Variants in CUBN observed in about 807,000 individuals in gnomAD.
CUBN encodes the protein 460 kDa receptor.
CUBN carries 282 observed loss-of-function variants against 405.3 expected under a neutral mutation model. That is an observed-to-expected ratio of 0.70 (90% CI 0.63 to 0.77). CUBN has a LOEUF of 0.77. CUBN is among the 30% of genes least tolerant of loss of function. The probability of loss-of-function intolerance (pLI) is 0.00; values close to 1 mark genes in which losing one functional copy is unlikely to be tolerated. For missense variants in CUBN, 4,514 were observed against 4,475.2 expected (o/e 1.01, Z -0.25); for synonymous variants, 1,684 against 1,617.0 (o/e 1.04, Z -0.99).
intron 10 of CUBN, among the ~76,000 whole-genome samples, chr10:17,106,510 A>G (rs1423719365): frequency 6.6e-6 from 1 of 150,970 alleles, no homozygotes; most frequent in Non-Finnish European, 1.5e-5. Context: ...AGGCAGGAGA[A>G]TCACTTCAAC....
chr10:16,920,506 A>G (rs769658836), intron 43 of CUBN, among the ~76,000 whole-genome samples: 8 of 152,176 alleles, frequency 5.3e-5, no homozygotes, highest in Non-Finnish European at 2.9e-5. Flanking sequence ...CTGAGCATTC[A>G]GTACAGCAGA....
At chr10:16,919,093 A>C (rs910703321) in intron 44 of CUBN, among the ~76,000 whole-genome samples, 12 of 152,348 alleles carry the variant, frequency 7.9e-5, no homozygotes, top group African/African-American at 2.9e-4. Context: ...TTGCTTTCAA[A>C]TTAGTCCCTA....
chr10:16,926,508 T>C (rs1842191991), intron 41 of CUBN, among the ~76,000 whole-genome samples: 1 of 151,898 alleles, frequency 6.6e-6, no homozygotes. Context: ...GAGTGTCCAA[T>C]AAGGAGGGGA....
intron 1 of CUBN, 84 bp downstream of exon 1, chr10:17,129,560 C>T (rs1001801900): frequency 6.1e-5 from 96 of 1,576,052 alleles, no homozygotes; most frequent in Non-Finnish European, 7.2e-5. Context: ...AGAAAAATTG[C>T]ACCTTTGTTT....
At chr10:16,916,086 G>T in intron 45 of CUBN, 56 bp from the exon 46 acceptor site, 1 of 1,553,634 alleles carries the variant, frequency 6.4e-7, no homozygotes, top group South Asian at 1.2e-5. Context: ...AAGAAAGATT[G>T]ATTCTATTAC....
intron 13 of CUBN, among the ~76,000 whole-genome samples, chr10:17,102,240 AAGG>A (rs1335163646): frequency 3.3e-5 from 5 of 150,988 alleles, no homozygotes; most frequent in Admixed American, 6.6e-5. Flanking sequence ...TCATCTATAA[AAGG>A]AGGATCCTCC....
rs114253158 is a variant in CUBN at position 16,930,862 on chromosome 10, C to T, written c.6124+2225G>A. On this transcript the variant is annotated intron_variant, in intron 40 of 66. Coordinates refer to ENST00000377833, the MANE Select transcript of CUBN (RefSeq NM_001081.4). The stretch of plus-strand genomic sequence containing the variant: ...AGCCTATAAGTATCTTTGTCTGTGG[C>T]CAGTTGGCTTTAGATATTTGCTTCA... Among the ~76,000 whole-genome samples, 719 of 152,294 alleles carry T rather than the reference C, an allele frequency of 4.7e-3. 7 individuals are homozygous for T. Among genetic ancestry groups the T allele is most frequent in the African/African-American group, 0.015 (643 of 41,550 alleles).
At chr10:16,943,244 C>G (rs1297385776) in intron 36 of CUBN, among the ~76,000 whole-genome samples, 4 of 152,190 alleles carry the variant, frequency 2.6e-5, no homozygotes, top group African/African-American at 4.8e-5. Flanking sequence ...TGGTGGTAAG[C>G]TGGTGGCTCT....
At chr10:17,053,073 T>G (rs1336887972) in intron 22 of CUBN, among the ~76,000 whole-genome samples, 1 of 147,820 alleles carries the variant, frequency 6.8e-6, no homozygotes. Flanking sequence ...AATGTAAAAA[T>G]ACAAAAAAAA....
At chr10:16,906,133 C>T (rs772301142) in intron 50 of CUBN, 70 bp downstream of exon 50, 16 of 1,254,816 alleles carry the variant, frequency 1.3e-5, no homozygotes, top group South Asian at 3.7e-5. Flanking sequence ...ACAACAGCAG[C>T]GACAACAACA....
intron 58 of CUBN, among the ~76,000 whole-genome samples, chr10:16,871,926 C>A (rs1840365508): frequency 6.6e-6 from 1 of 152,082 alleles, no homozygotes; most frequent in South Asian, 2.1e-4. Context: ...AAATAATTTT[C>A]TAAACCTGCA....
rs2131863550 is a variant in CUBN at position 17,084,303 on chromosome 10, A to T, written c.2269T>A (p.Cys757Ser). 1.2e-6 allele frequency: 2 copies of T among 1,614,126 alleles called. No homozygotes were observed. Among genetic ancestry groups the T allele is most frequent in the Non-Finnish European group, 1.7e-6 (2 of 1,180,028 alleles). Residue 757 changes from cysteine to serine, a missense_variant, in exon 17 of 67, where the codon TGC (cysteine) becomes AGC (serine). Physicochemically the swap from Cys to Ser is moderately radical, Grantham distance 112. Coordinates refer to ENST00000377833, the MANE Select transcript of CUBN (RefSeq NM_001081.4). The stretch of plus-strand genomic sequence containing the variant: ...TAATTCTGAGAACTGTCACTCTGGC[A>T]TTGCAGCTCCACGTGGGTGAAGTTG... ...QINFTHVELQ[C>S]QSDSSQNYIE...
Position 17,084,427 on chromosome 10 carries a change from T to C in CUBN, c.2145A>G (p.Pro715=), listed in dbSNP as rs1375294807. The C allele has an allele frequency of 6.2e-7, 1 of 1,613,730 alleles. No homozygotes were observed. ...DLRCGGNYTD[P]EGELFLPELS... ...ACTCAGGCAAGAAGAGTTCACCCTC[T>C]GGGTCCGTGTAGTTCCCACCACAAC... The change falls in exon 17 of 67, where the codon CCA becomes CCG. Residue 715 remains proline (P), a synonymous_variant. Coordinates refer to ENST00000377833, the MANE Select transcript of CUBN (RefSeq NM_001081.4).
At chr10:16,889,565 C>T (rs1233626616) in intron 55 of CUBN, among the ~76,000 whole-genome samples, 1 of 152,140 alleles carries the variant, frequency 6.6e-6, no homozygotes, top group Non-Finnish European at 1.5e-5. Context: ...AAGAAACTGG[C>T]TCCCAAAGTT....
intron 31 of CUBN, among the ~76,000 whole-genome samples, chr10:16,977,138 T>C (rs933502648): frequency 1.3e-5 from 2 of 152,144 alleles, no homozygotes; most frequent in African/African-American, 4.8e-5. Flanking sequence ...TCTTTGATAG[T>C]GTGTTGGTGA....
At position 16,991,632 on chromosome 10, in the gene CUBN, T is replaced by G. The variant is rs1382176738; in HGVS notation, c.4169-1117A>C. 1.7e-3 allele frequency among the ~76,000 whole-genome samples: 29 copies of G among 17,222 alleles called. No homozygotes were observed. In the East Asian group the frequency reaches 0.024, roughly 14 times the overall value. 11.3% of individuals were successfully genotyped at this position (17,222 alleles called of 152,430 possible). A position where few individuals can be genotyped will look rare whatever the true frequency, so the allele number is the denominator to read the frequency against. The stretch of plus-strand genomic sequence containing the variant: ...TAACATTTCTGGGCCTCTTTTTCTG[T>G]TTTTTTTTTTTTTTAAATATTCTTT... On this transcript the variant is annotated intron_variant, in intron 28 of 66. Coordinates refer to ENST00000377833, the MANE Select transcript of CUBN (RefSeq NM_001081.4).
intron 22 of CUBN, among the ~76,000 whole-genome samples, chr10:17,062,790 C>A (rs913268156): frequency 2.6e-5 from 4 of 152,218 alleles, no homozygotes; most frequent in Admixed American, 2.0e-4. Flanking sequence ...AAACTCACAC[C>A]TGTTGGGCTG....
At position 16,901,434 on chromosome 10, in the gene CUBN, G is replaced by C. The variant is rs774895501; in HGVS notation, c.8088C>G (p.Asp2696Glu). 1 of 1,614,108 alleles carries C rather than the reference G, an allele frequency of 6.2e-7. No homozygotes were observed. Among genetic ancestry groups the C allele is most frequent in the Non-Finnish European group, 8.5e-7 (1 of 1,180,004 alleles). Residue 2696 changes from aspartate to glutamate, a missense_variant, in exon 52 of 67, where the codon GAC (aspartate) becomes GAG (glutamate). Asp to Glu is a conservative substitution (Grantham distance 45). Coordinates refer to ENST00000377833, the MANE Select transcript of CUBN (RefSeq NM_001081.4). The stretch of plus-strand genomic sequence containing the variant: ...AGTTGGGGCTTGTGATCACTCCACT[G>C]TCACCTATCTGTATTCCGCCACAAT... ...FTDCGGIQIG[D>E]SGVITSPNYP...
rs943617833 is a variant in CUBN, at chr10:16,933,198, C to A, written c.6013G>T (p.Asp2005Tyr). 6.2e-7 allele frequency: 1 copy of A among 1,614,026 alleles called. No homozygotes were observed. The change falls in exon 40 of 67, where the codon GAC becomes TAC. Residue 2005 changes from aspartate (D) to tyrosine (Y), a missense_variant. Transcript: ENST00000377833. ...GWPDSYSNRV[D>Y]CTWLIQAPDS... ...GGAGCCTGGATGAGCCACGTACAGTCCACTCTATTACTGTAACTGTCAGGC... is the reference window on the plus strand; with the variant it reads ...GGAGCCTGGATGAGCCACGTACAGTACACTCTATTACTGTAACTGTCAGGC...
Sources: allele counts gnomAD v4.1 joint callset (sites outside exome capture counted in the v4.1 genomes callset), GRCh38; gene constraint gnomAD v4.1.1; transcripts MANE v1.5; gene names NCBI Gene and HGNC (gene_info 2026-07-23, HGNC 2026-07-21).